Variants in TMEM232 observed in about 807,000 individuals in gnomAD.
TMEM232 encodes transmembrane protein 232.
TMEM232 carries 80 observed loss-of-function variants against 78.8 expected under a neutral mutation model. The observed-to-expected ratio is 1.01, with a 90% CI of 0.85 to 1.22. The LOEUF is 1.22. Ranked by LOEUF, TMEM232 falls within the 50% of genes most tolerant of loss-of-function variation. TMEM232 has a pLI of 0.00. For synonymous variants in TMEM232, 297 were observed against 254.3 expected (o/e 1.17, Z -1.60); for missense variants, 881 against 742.2 (o/e 1.19, Z -2.17).
At chr5:110,420,806 A>T in intron 13 of TMEM232, 50 bp from the exon 14 acceptor site, 1 of 1,481,626 alleles carries the variant, frequency 6.7e-7, no homozygotes, top group Non-Finnish European at 8.8e-7. Context: ...GAAAAAATGC[A>T]TATCAGTTTA....
At chr5:110,424,996 T>C (rs1757084786) in intron 12 of TMEM232, 80 bp from the exon 13 acceptor site, 1 of 957,884 alleles carries the variant, frequency 1.0e-6, no homozygotes, top group Admixed American at 2.8e-5. Context: ...AACTAAGCCA[T>C]AATTTATTAT....
intron 12 of TMEM232, among the ~76,000 whole-genome samples, chr5:110,495,105 T>A (rs1367702379): frequency 1.3e-5 from 2 of 151,114 alleles, no homozygotes; most frequent in Admixed American, 1.3e-4. Flanking sequence ...CATTTTATGT[T>A]GCACATATTT....
upstream of TMEM232, among the ~76,000 whole-genome samples, chr5:110,730,244 A>G (rs930010075): frequency 1.1e-4 from 17 of 152,258 alleles, no homozygotes; most frequent in Admixed American, 1.0e-3. Context: ...TTCCTAGATT[A>G]GAATTGATTT....
At chr5:110,407,667 T>C (rs1755841301) in intron 2 of TMEM232, among the ~76,000 whole-genome samples, 1 of 152,108 alleles carries the variant, frequency 6.6e-6, no homozygotes, top group Non-Finnish European at 1.5e-5. Flanking sequence ...ACACATTAGA[T>C]CTAATAGGCC....
intron 12 of TMEM232, among the ~76,000 whole-genome samples, chr5:110,498,863 A>G (rs1299393640): frequency 6.6e-6 from 1 of 152,324 alleles, no homozygotes; most frequent in African/African-American, 2.4e-5. Flanking sequence ...AAGTGAAAAT[A>G]AAAGCTCTGT....
At chr5:110,655,026 A>G (rs1788837780) in intron 2 of TMEM232, among the ~76,000 whole-genome samples, 1 of 152,198 alleles carries the variant, frequency 6.6e-6, no homozygotes, top group Non-Finnish European at 1.5e-5. Flanking sequence ...ACCAAAAGCA[A>G]TGGTAACAAA....
intron 11 of TMEM232, among the ~76,000 whole-genome samples, chr5:110,532,251 A>T (rs898019111): frequency 3.9e-5 from 6 of 151,906 alleles, no homozygotes. Context: ...GAGCCCCTGG[A>T]ACTCTGGCCC....
intron 12 of TMEM232, among the ~76,000 whole-genome samples, chr5:110,518,761 T>C (rs928264199): frequency 2.7e-5 from 4 of 150,314 alleles, no homozygotes; most frequent in East Asian, 3.9e-4. Flanking sequence ...GCAACACTCA[T>C]ATGATTTTGG....
intron 3 of TMEM232, among the ~76,000 whole-genome samples, chr5:110,392,092 A>G (rs1280580107): frequency 6.6e-6 from 1 of 152,202 alleles, no homozygotes; most frequent in Non-Finnish European, 1.5e-5. Context: ...TGGTATTGCT[A>G]TTGCAGAAGT....
At chr5:110,651,595 A>G (rs1788308385) in intron 2 of TMEM232, among the ~76,000 whole-genome samples, 1 of 152,098 alleles carries the variant, frequency 6.6e-6, no homozygotes, top group East Asian at 1.9e-4. Context: ...TCTGGATGTA[A>G]TGGAAAGATA....
intron 1 of TMEM232, among the ~76,000 whole-genome samples, chr5:110,671,762 G>A (rs1297320492): frequency 1.3e-5 from 2 of 152,138 alleles, no homozygotes; most frequent in Non-Finnish European, 2.9e-5. Flanking sequence ...GGGGGCCAGA[G>A]GAGCGATAGC....
At chr5:110,597,045 T>C (rs954181535) in intron 10 of TMEM232, among the ~76,000 whole-genome samples, 16 of 152,132 alleles carry the variant, frequency 1.1e-4, no homozygotes, top group African/African-American at 3.9e-4. Flanking sequence ...AAATAAAGGG[T>C]ATTCAAATAG....
At chr5:110,495,009 G>A (rs1214843118) in intron 12 of TMEM232, among the ~76,000 whole-genome samples, 1 of 151,650 alleles carries the variant, frequency 6.6e-6, no homozygotes, top group Non-Finnish European at 1.5e-5. Flanking sequence ...AAAGCAGTAG[G>A]AGAATGGAAT....
chr5:110,621,225 C>T (rs904955821), intron 7 of TMEM232, among the ~76,000 whole-genome samples: 1 of 151,954 alleles, frequency 6.6e-6, no homozygotes. Context: ...TATCAAACTT[C>T]AATGAATTAA....
In TMEM232 at chr5:110,524,444, G is replaced by A. The variant is rs184022081; in HGVS notation, c.1703+4144C>T. ...AGAAAAGAAAAGAAAAGAAAAGAAA[G>A]GAAAGAAAGAAAGAAAAAGAAAGAA... On this transcript the variant is annotated intron_variant, in intron 12 of 13. Coordinates refer to ENST00000455884, the MANE Select transcript of TMEM232 (RefSeq NM_001039763.4). Among the ~76,000 whole-genome samples the A allele has an allele frequency of 1.8e-3, 257 of 146,192 alleles. 1 individual carries two copies. The highest frequency in any genetic ancestry group is 0.013 in the Admixed American group (190 of 14,226).
At chr5:110,470,796 C>T (rs1184701228) in intron 12 of TMEM232, among the ~76,000 whole-genome samples, 1 of 152,116 alleles carries the variant, frequency 6.6e-6, no homozygotes, top group African/African-American at 2.4e-5. Flanking sequence ...ACACCAGATG[C>T]ACAGACATCA....
chr5:110,563,145 G>A (rs1040894291), intron 11 of TMEM232, among the ~76,000 whole-genome samples: 1 of 151,864 alleles, frequency 6.6e-6, no homozygotes, highest in Non-Finnish European at 1.5e-5. Flanking sequence ...CCCTTTAAAT[G>A]TCTTCTAAGC....
At chr5:110,594,796 T>C (rs770161204) in intron 10 of TMEM232, among the ~76,000 whole-genome samples, 1 of 152,198 alleles carries the variant, frequency 6.6e-6, no homozygotes, top group Admixed American at 6.5e-5. Context: ...CAGGGGCTTA[T>C]AGATAAAACT....
At chr5:110,696,959 T>C (rs924071208) in intron 1 of TMEM232, among the ~76,000 whole-genome samples, 1 of 152,100 alleles carries the variant, frequency 6.6e-6, no homozygotes, top group Non-Finnish European at 1.5e-5. Flanking sequence ...TTAAAGTTCA[T>C]ATGGAACCAG....
Sources: gnomAD v4.1 joint callset for allele counts (sites outside exome capture counted in the v4.1 genomes callset) on GRCh38, gnomAD v4.1.1 for gene constraint, MANE v1.5 for transcripts, NCBI Gene and HGNC (gene_info 2026-07-23, HGNC 2026-07-21) for gene names.